Variants in SFTPD observed in about 807,000 individuals in gnomAD.
SFTPD encodes the protein surfactant protein D.
SFTPD carries 18 observed loss-of-function variants against 34.6 expected under a neutral mutation model. The observed-to-expected ratio is 0.52, with a 90% confidence interval of 0.36 to 0.77. The LOEUF (loss-of-function observed/expected upper bound fraction) is 0.77, where lower values mean the gene tolerates loss of function less well. Ranked by LOEUF, SFTPD falls within the 30% of genes least tolerant of loss-of-function variation. SFTPD has a pLI of 0.00. For synonymous variants in SFTPD, 155 were observed against 180.9 expected, an observed-to-expected ratio of 0.86 and a Z score of 1.15; for missense variants, 433 against 468.9, an observed-to-expected ratio of 0.92 and a Z score of 0.71.
chr10:79,942,440 C>T lies in SFTPD; in HGVS notation c.381G>A (p.Gly127=), dbSNP rs779238522. The T allele has an allele frequency of 1.2e-6, 2 of 1,613,490 alleles. No homozygotes were observed. The highest frequency in any genetic ancestry group is 1.3e-5 in the African/African-American group (1 of 74,914). The change falls in exon 4 of 8, where the codon GGG becomes GGA. Residue 127 remains glycine (G), a synonymous_variant. Transcript: ENST00000372292. ...CTGGCTTGCCCTGAGGTCCTATGTT[C>T]CCCTGCTTCCCCAGGGGACCTTCTC... is the stretch of plus-strand genomic sequence containing the variant. ...AGREGPLGKQ[G]NIGPQGKPGP...
In SFTPD at chr10:79,956,237, C is replaced by T. The variant is rs372835617; in HGVS notation, c.37-9575G>A. Among the ~76,000 whole-genome samples, 234 of 152,312 alleles carry T rather than the reference C, an allele frequency of 1.5e-3. 3 individuals carry two copies. In the East Asian group the frequency reaches 0.018, roughly 11 times the overall value. On this transcript the variant is annotated intron_variant, in intron 1 of 5. Transcript: ENST00000444384. The stretch of plus-strand genomic sequence containing the variant: ...CTCCCAGTGTGAGCGACACAGAAGA[C>T]GGGTGATTTCTGCATTTCCATCTGA...
chr10:79,974,577 T>C (rs1328268967), intron 1 of SFTPD, among the ~76,000 whole-genome samples: 1 of 152,226 alleles, frequency 6.6e-6, no homozygotes, highest in African/African-American at 2.4e-5. Context: ...TGGCCAATTT[T>C]AAGATACATA....
chr10:79,982,116 C>G (rs1042856060), intron 1 of SFTPD: 2 of 312,226 alleles, frequency 6.4e-6, no homozygotes, highest in Non-Finnish European at 1.1e-5. Flanking sequence ...CTCCCGCGCT[C>G]GCTCCCGCCC....
chr10:79,944,078 G>C (rs1480660834), intron 2 of SFTPD, among the ~76,000 whole-genome samples: 1 of 152,216 alleles, frequency 6.6e-6, no homozygotes, highest in Non-Finnish European at 1.5e-5. Flanking sequence ...AGTGTACCCA[G>C]AGACCTAGAC....
In SFTPD at chr10:79,976,085, A is replaced by G. The variant is rs550356158; in HGVS notation, c.36+6490T>C. Among the ~76,000 whole-genome samples the G allele has an allele frequency of 2.2e-4, 33 of 152,320 alleles. 1 individual carries two copies. Among genetic ancestry groups the G allele is most frequent in the African/African-American group, 6.7e-4 (28 of 41,562 alleles). On this transcript the variant is annotated intron_variant, in intron 1 of 5. Transcript: ENST00000444384. ...AGATTTTGGGGGGCCTGTTCCCAAC[A>G]CAGAAGTGGTGGGCTATACCTTGTG...
At chr10:79,946,186 G>C (rs1311040375) in intron 2 of SFTPD, among the ~76,000 whole-genome samples, 1 of 152,214 alleles carries the variant, frequency 6.6e-6, no homozygotes, top group African/African-American at 2.4e-5. Flanking sequence ...GAAGGCCCCA[G>C]ATATCAGTAA....
At chr10:79,982,250 G>T in intron 1 of SFTPD, 1 of 907,446 alleles carries the variant, frequency 1.1e-6, no homozygotes, top group Non-Finnish European at 1.4e-6. Flanking sequence ...CAATGGGACC[G>T]CGGGCGGCGG....
At chr10:79,938,556 A>G (rs1313155895) in intron 7 of SFTPD, among the ~76,000 whole-genome samples, 3 of 152,150 alleles carry the variant, frequency 2.0e-5, no homozygotes, top group Non-Finnish European at 4.4e-5. Flanking sequence ...TGCTCTTTCT[A>G]TTTTGGCACA....
intron 2 of SFTPD, among the ~76,000 whole-genome samples, chr10:79,944,675 G>A (rs1446915583): frequency 2.0e-5 from 3 of 152,106 alleles, no homozygotes; most frequent in African/African-American, 2.4e-5. Flanking sequence ...CAAGGGAGAC[G>A]AGCATCCCTG....
At position 79,946,653 on chromosome 10, in the gene SFTPD, G is replaced by C; in HGVS notation, c.7C>G (p.Leu3Val). 1 of 1,614,106 alleles carries C rather than the reference G, an allele frequency of 6.2e-7. No homozygotes were observed. The highest frequency in any genetic ancestry group is 8.5e-7 in the Non-Finnish European group (1 of 1,179,964). Residue 3 changes from leucine to valine, a missense_variant, in exon 2 of 8, where the codon CTC (leucine) becomes GTC (valine). Physicochemically the swap from Leu to Val is conservative, Grantham distance 32. Transcript: ENST00000372292. The stretch of plus-strand genomic sequence containing the variant: ...AGGACCAGTGCAGAGAGGAGGAAGA[G>C]CAGCATGGCCTGGAGAGGTGAACAG... ML[L>V]FLLSALVLLT...
chr10:79,980,853 CAAG>C (rs1312448584), intron 1 of SFTPD, among the ~76,000 whole-genome samples: 1 of 152,200 alleles, frequency 6.6e-6, no homozygotes, highest in East Asian at 1.9e-4. Flanking sequence ...AAAGCCTTCT[CAAG>C]AAGGACAAGT....
At chr10:79,979,798 A>G in intron 1 of SFTPD, among the ~76,000 whole-genome samples, 1 of 152,202 alleles carries the variant, frequency 6.6e-6, no homozygotes, top group African/African-American at 2.4e-5. Flanking sequence ...TAGGTGACCC[A>G]GTGAGATATC....
intron 1 of SFTPD, among the ~76,000 whole-genome samples, chr10:79,980,732 T>C (rs1256500601): frequency 6.6e-6 from 1 of 152,256 alleles, no homozygotes. Flanking sequence ...GATACTTTTA[T>C]GGGTCTGCAA....
chr10:79,962,444 T>C (rs137876909), intron 1 of SFTPD, among the ~76,000 whole-genome samples: 2 of 152,296 alleles, frequency 1.3e-5, no homozygotes, highest in East Asian at 3.9e-4. Context: ...TTTTTATATA[T>C]ACTTACATAC....
intron 2 of SFTPD, among the ~76,000 whole-genome samples, chr10:79,944,458 G>A (rs1028194339): frequency 4.6e-5 from 7 of 152,172 alleles, no homozygotes; most frequent in Admixed American, 3.3e-4. Flanking sequence ...AGGAGGTGAA[G>A]TATGAGCTGC....
chr10:79,978,281 A>C (rs1252348363), intron 1 of SFTPD, among the ~76,000 whole-genome samples: 6 of 152,264 alleles, frequency 3.9e-5, no homozygotes, highest in Non-Finnish European at 8.8e-5. Context: ...CCATGTGATC[A>C]TCTCAATAGA....
At chr10:79,942,199 T>C in intron 4 of SFTPD, 129 bp from the exon 5 acceptor site, 1 of 773,412 alleles carries the variant, frequency 1.3e-6, no homozygotes, top group Non-Finnish European at 2.2e-6. Context: ...CTCCTTGCTT[T>C]CTGGGGCTCC....
At chr10:79,950,960 T>C (rs1842706367), upstream of SFTPD, 1 of 152,096 alleles carries the variant, frequency 6.6e-6, no homozygotes, top group South Asian at 2.1e-4. Flanking sequence ...TTTCTTCTGC[T>C]TGGTCTAGTC....
intron 1 of SFTPD, among the ~76,000 whole-genome samples, chr10:79,954,162 T>A (rs61858839): frequency 0.15 from 22,272 of 152,150 alleles, 2,064 homozygotes; most frequent in East Asian, 0.41. Context: ...CAGATTGTGG[T>A]TTGGTTTGGT....
Sources: gnomAD v4.1 joint callset for allele counts (sites outside exome capture counted in the v4.1 genomes callset) on GRCh38, gnomAD v4.1.1 for gene constraint, MANE v1.5 for transcripts, NCBI Gene and HGNC (gene_info 2026-07-23, HGNC 2026-07-21) for gene names.